The following CBFA2T3 variants were observed in gnomAD, a reference collection of about 807,000 sequenced individuals.
CBFA2T3 encodes the protein transcriptional corepressor CBFA2T3.
CBFA2T3 carries 31 observed loss-of-function variants against 58.6 expected under a neutral mutation model. The ratio of observed to expected loss-of-function variants is 0.53; its 90% confidence interval spans 0.40 to 0.71. The LOEUF is 0.71. Ranked by LOEUF, CBFA2T3 falls within the 30% of genes least tolerant of loss-of-function variation. CBFA2T3 has a pLI of 0.00. For missense variants in CBFA2T3, 1,076 were observed against 963.1 expected (o/e 1.12, Z -1.55); for synonymous variants, 531 against 421.9 (o/e 1.26, Z -3.17).
chr16:88,957,079 C>T (rs1432846559), intron 1 of CBFA2T3, among the ~76,000 whole-genome samples: 1 of 152,220 alleles, frequency 6.6e-6, no homozygotes, highest in African/African-American at 2.4e-5. Context: ...ACGCTCTCTC[C>T]CGGAACAAAA....
At position 88,900,270 on chromosome 16, in the gene CBFA2T3, T is replaced by TGGGCCACCCCATTCCC. The variant is rs933827339; in HGVS notation, c.304+1218_304+1233dup. Among the ~76,000 whole-genome samples, 62 of 152,388 alleles carry TGGGCCACCCCATTCCC rather than the reference T, an allele frequency of 4.1e-4. No individual in the cohort carries two copies. In the East Asian group the frequency reaches 0.011, roughly 26 times the overall value. ...GGCACACCTGGGGGCACCCCATTGC[T>TGGGCCACCCCATTCCC]GGGCCACCCCATTCCCCAACCAAGT... is the stretch of plus-strand genomic sequence containing the variant. On this transcript the variant is annotated intron_variant, in intron 2 of 11. Coordinates refer to ENST00000268679, the MANE Select transcript of CBFA2T3 (RefSeq NM_005187.6).
At position 88,891,953 on chromosome 16, in the gene CBFA2T3, C is replaced by T. The variant is rs376580768; in HGVS notation, c.640G>A (p.Glu214Lys). 1.2e-6 allele frequency: 2 copies of T among 1,613,062 alleles called. No homozygotes were observed. The highest frequency in any genetic ancestry group is 2.2e-5 in the East Asian group (1 of 44,888). The change falls in exon 5 of 12, where the codon GAG becomes AAG. Residue 214 changes from glutamate (E) to lysine (K), a missense_variant. Coordinates refer to ENST00000268679, the MANE Select transcript of CBFA2T3 (RefSeq NM_005187.6). ...LGLVNSTLTI[E>K]EFHSKLQEAT... is the part of the protein sequence containing the mutation. ...TCCTGAAGCTTGGAATGAAACTCCT[C>T]GATCGTCAATGTCGAGTTCTGCAGG...
At chr16:88,903,796 G>C (rs1970197088) in intron 1 of CBFA2T3, among the ~76,000 whole-genome samples, 1 of 152,146 alleles carries the variant, frequency 6.6e-6, no homozygotes, top group Admixed American at 6.5e-5. Flanking sequence ...GTGGCCGAGA[G>C]CTTCAAACGC....
At chr16:88,900,018 G>A (rs1040849906) in intron 2 of CBFA2T3, among the ~76,000 whole-genome samples, 1 of 152,200 alleles carries the variant, frequency 6.6e-6, no homozygotes, top group Admixed American at 6.5e-5. Context: ...GTGTGACAAG[G>A]ACATGTGAGA....
intron 1 of CBFA2T3, among the ~76,000 whole-genome samples, chr16:88,951,759 C>T (rs1972079441): frequency 6.6e-6 from 1 of 152,194 alleles, no homozygotes; most frequent in Non-Finnish European, 1.5e-5. Flanking sequence ...TGAACTGGAA[C>T]AAGAGAGGAA....
Position 88,892,282 on chromosome 16 carries a change from T to C in CBFA2T3, c.583A>G (p.Ile195Val), listed in dbSNP as rs1969667331. 1 of 1,612,160 alleles carries C rather than the reference T, an allele frequency of 6.2e-7. No individual in the cohort carries two copies. The highest frequency in any genetic ancestry group is 1.1e-5 in the South Asian group (1 of 91,054). ...ACCAGTGTGCGCACGCGCTCCCCAATCTCTGGGGAGATGTCGCTGCCAAAC... is the reference window on the plus strand; with the variant it reads ...ACCAGTGTGCGCACGCGCTCCCCAACCTCTGGGGAGATGTCGCTGCCAAAC... ...QQFGSDISPE[I>V]GERVRTLVLG... Residue 195 changes from isoleucine to valine, a missense_variant, in exon 4 of 12, where the codon ATT becomes GTT. Transcript: ENST00000268679.
In CBFA2T3 at chr16:88,954,368, G is replaced by A. The variant is rs1042086980; in HGVS notation, c.151+22289C>T. Among the ~76,000 whole-genome samples the A allele has an allele frequency of 1.6e-4, 22 of 140,670 alleles. 1 individual carries two copies. Among genetic ancestry groups the A allele is most frequent in the African/African-American group, 6.1e-4 (21 of 34,252 alleles). 92.3% of individuals were successfully genotyped at this position (140,670 alleles called of 152,430 possible). A position where few individuals can be genotyped will look rare whatever the true frequency, so the allele number is the denominator to read the frequency against. ...GCCAAGGCTCCTGACCTCACCCAAG[G>A]CTCCTGACCCCACCCAAGACTCCTG... On this transcript the variant is annotated intron_variant, in intron 1 of 11. Transcript: ENST00000268679.
intron 3 of CBFA2T3, among the ~76,000 whole-genome samples, chr16:88,893,429 A>C (rs538868323): frequency 2.4e-4 from 36 of 151,880 alleles, no homozygotes; most frequent in African/African-American, 5.8e-4. Flanking sequence ...ACTCCCAGCC[A>C]TGAGCAATGT....
intron 1 of CBFA2T3, chr16:88,941,701 G>C (rs1971740861): frequency 6.7e-6 from 1 of 149,364 alleles, no homozygotes; most frequent in Non-Finnish European, 1.5e-5. Context: ...GCCGTGGAGG[G>C]GGCGCGGCTC....
intron 5 of CBFA2T3, among the ~76,000 whole-genome samples, chr16:88,889,155 G>A (rs1410600417): frequency 1.3e-5 from 2 of 151,732 alleles, no homozygotes; most frequent in East Asian, 1.9e-4. Flanking sequence ...TTAAAAGAAG[G>A]GAAGGGAAGG....
intron 1 of CBFA2T3, among the ~76,000 whole-genome samples, chr16:88,971,460 G>C (rs912317846): frequency 6.6e-6 from 1 of 152,050 alleles, no homozygotes; most frequent in Non-Finnish European, 1.5e-5. Context: ...CCACCTGAGA[G>C]AGCTGCCTGG....
intron 2 of CBFA2T3, among the ~76,000 whole-genome samples, chr16:88,899,806 G>A (rs987149452): frequency 3.9e-5 from 6 of 152,198 alleles, no homozygotes; most frequent in Non-Finnish European, 7.4e-5. Context: ...GCCCATGGCC[G>A]GGTCTCCCGT....
At chr16:88,877,374 C>A (rs1026088790) in intron 11 of CBFA2T3, 99 bp from the exon 12 acceptor site, 96 of 968,330 alleles carry the variant, frequency 9.9e-5, no homozygotes, top group Non-Finnish European at 1.3e-4. Context: ...ACGTCATCAC[C>A]AGGTGAGAAG....
At chr16:88,964,913 CA>C (rs1972458156) in intron 1 of CBFA2T3, among the ~76,000 whole-genome samples, 1 of 2,570 alleles carries the variant, frequency 3.9e-4, no homozygotes, top group East Asian at 0.019. Context: ...TCCACTTATC[CA>C]TCCATCCATC....
intron 1 of CBFA2T3, among the ~76,000 whole-genome samples, chr16:88,933,817 C>T (rs1356675018): frequency 6.6e-6 from 1 of 152,126 alleles, no homozygotes; most frequent in Non-Finnish European, 1.5e-5. Flanking sequence ...TCATGCCACG[C>T]GTATGTGACT....
chr16:88,912,063 TCA>T (rs1970549379), intron 1 of CBFA2T3, among the ~76,000 whole-genome samples: 1 of 152,192 alleles, frequency 6.6e-6, no homozygotes, highest in Non-Finnish European at 1.5e-5. Flanking sequence ...GACGAAAATC[TCA>T]CAAACTCCCT....
intron 1 of CBFA2T3, among the ~76,000 whole-genome samples, chr16:88,968,392 G>C (rs1023935339): frequency 6.6e-6 from 1 of 152,222 alleles, no homozygotes; most frequent in Non-Finnish European, 1.5e-5. Flanking sequence ...CTGCAGACGA[G>C]GAAGCCCCAG....
At chr16:88,971,507 C>T (rs866689708) in intron 1 of CBFA2T3, among the ~76,000 whole-genome samples, 3 of 151,860 alleles carry the variant, frequency 2.0e-5, no homozygotes, top group Non-Finnish European at 4.4e-5. Context: ...GGAAGCCCCT[C>T]GGTGGGGTCC....
chr16:88,929,354 C>T (rs1432356139), intron 1 of CBFA2T3, among the ~76,000 whole-genome samples: 4 of 152,200 alleles, frequency 2.6e-5, no homozygotes, highest in Non-Finnish European at 5.9e-5. Flanking sequence ...CACGGGCCTG[C>T]GGGAGGACCC....
Sources: gnomAD v4.1 joint callset for allele counts (sites outside exome capture counted in the v4.1 genomes callset) on GRCh38, gnomAD v4.1.1 for gene constraint, MANE v1.5 for transcripts, NCBI Gene and HGNC (gene_info 2026-07-23, HGNC 2026-07-21) for gene names.